OLFM3: variants seen among roughly 807,000 people sequenced by gnomAD.
OLFM3 encodes the protein noelin-3.
OLFM3 carries 20 observed loss-of-function variants against 48.6 expected under a neutral mutation model. The observed-to-expected ratio is 0.41, with a 90% CI of 0.29 to 0.60. The LOEUF is 0.60. Ranked by LOEUF, OLFM3 falls within the 20% of genes least tolerant of loss-of-function variation. The pLI, the probability that OLFM3 is intolerant of heterozygous loss-of-function variation, is 0.28. For synonymous variants in OLFM3, 222 were observed against 198.1 expected (o/e 1.12, Z -1.01); for missense variants, 437 against 544.3 (o/e 0.80, Z 1.96).
intron 1 of OLFM3, among the ~76,000 whole-genome samples, chr1:101,992,287 G>C (rs1661434110): frequency 6.6e-6 from 1 of 152,156 alleles, no homozygotes; most frequent in Admixed American, 6.5e-5. Context: ...CCATTTAACT[G>C]TTTCTAGTTG....
At chr1:101,915,710 A>G (rs1052534832) in intron 1 of OLFM3, among the ~76,000 whole-genome samples, 4 of 152,204 alleles carry the variant, frequency 2.6e-5, no homozygotes, top group Non-Finnish European at 5.9e-5. Flanking sequence ...GAAACCACAC[A>G]CAGCTGAGGA....
At chr1:101,824,197 G>A (rs1654737798) in intron 4 of OLFM3, among the ~76,000 whole-genome samples, 1 of 151,886 alleles carries the variant, frequency 6.6e-6, no homozygotes, top group African/African-American at 2.4e-5. Flanking sequence ...CTTTCTATGG[G>A]TATTGACTTG....
At chr1:101,810,842 A>AAT (rs1314795597) in intron 4 of OLFM3, among the ~76,000 whole-genome samples, 8 of 151,608 alleles carry the variant, frequency 5.3e-5, no homozygotes, top group South Asian at 2.1e-4. Flanking sequence ...TTTATCACTT[A>AAT]ATATATATAT....
chr1:101,826,840 T>G (rs1444655035), intron 3 of OLFM3, among the ~76,000 whole-genome samples: 1 of 152,228 alleles, frequency 6.6e-6, no homozygotes, highest in African/African-American at 2.4e-5. Flanking sequence ...TATCATTTTC[T>G]GCACATTATA....
At chr1:101,863,262 G>T (rs985429844) in intron 1 of OLFM3, among the ~76,000 whole-genome samples, 1 of 152,190 alleles carries the variant, frequency 6.6e-6, no homozygotes, top group Non-Finnish European at 1.5e-5. Context: ...GCATAAGCCA[G>T]TGTGCCTGGC....
intron 1 of OLFM3, among the ~76,000 whole-genome samples, chr1:101,849,121 A>G (rs1362709415): frequency 1.3e-5 from 2 of 152,248 alleles, no homozygotes; most frequent in Non-Finnish European, 1.5e-5. Flanking sequence ...ACAACATAGA[A>G]GCTAAACTGT....
In OLFM3 at chr1:101,833,623, T is replaced by A. The variant is rs570209439; in HGVS notation, c.217-2796A>T. Among the ~76,000 whole-genome samples the A allele has an allele frequency of 3.2e-3, 481 of 152,334 alleles. 6 individuals carry two copies. Among genetic ancestry groups the A allele is most frequent in the Non-Finnish European group, 4.5e-3 (305 of 68,016 alleles). ...TGTCGCCCTTCCTGGATAATTCTTT[T>A]GGAATTTTTATTTATTCTGGTTCTT... is the stretch of plus-strand genomic sequence containing the variant. On this transcript the variant is annotated intron_variant, in intron 2 of 5. Transcript: ENST00000370103.
At chr1:101,835,825 GA>G (rs879737621) in intron 2 of OLFM3, among the ~76,000 whole-genome samples, 5 of 152,096 alleles carry the variant, frequency 3.3e-5, no homozygotes, top group Admixed American at 3.3e-4. Flanking sequence ...ATAAGCACAT[GA>G]AAAAATCCTA....
At chr1:101,824,229 A>C (rs943171173) in intron 4 of OLFM3, among the ~76,000 whole-genome samples, 3 of 152,106 alleles carry the variant, frequency 2.0e-5, no homozygotes, top group African/African-American at 7.2e-5. Flanking sequence ...ATATCGCATC[A>C]TGTCAACAAC....
chr1:101,803,851 CT>C lies in OLFM3; in HGVS notation c.*386del, dbSNP rs1653615875. ...CTCCTAATTCCTACCAAAATATTTC[CT>C]GATATGGAGCAAAAGACAGTAAAAA... On this transcript the variant is annotated 3_prime_UTR_variant, in exon 6 of 6. Transcript: ENST00000370103. The C allele has an allele frequency of 6.5e-6, 1 of 153,936 alleles. No individual in the cohort carries two copies. Among genetic ancestry groups the C allele is most frequent in the Non-Finnish European group, 1.4e-5 (1 of 69,594 alleles). 9.5% of individuals were successfully genotyped at this position (153,936 alleles called of 1,614,324 possible).
intron 1 of OLFM3, among the ~76,000 whole-genome samples, chr1:101,963,075 A>G (rs1157899199): frequency 6.6e-6 from 1 of 152,104 alleles, no homozygotes; most frequent in Non-Finnish European, 1.5e-5. Context: ...TGCAGAATGG[A>G]GCTCCTTTCT....
chr1:101,804,461 T>C lies in OLFM3; in HGVS notation c.1154A>G (p.Tyr385Cys). Reference protein sequence around the residue: ...GESFMICGTLYVTNSHLTGAK... With the variant: ...GESFMICGTLCVTNSHLTGAK... ...TCCAGTTAAGTGGGAGTTGGTGACA[T>C]ACAGTGTCCCACAGATCATGAAAGA... The change falls in exon 6 of 6, where the codon TAT becomes TGT. Residue 385 changes from tyrosine to cysteine, a missense_variant. Physicochemically the swap from Tyr to Cys is radical, Grantham distance 194 (BLOSUM62 -2). Transcript: ENST00000370103. This position sits in a 1 kb window ranked among gnomAD's most constrained non-coding sequence, Gnocchi z 4.5. 2.5e-6 allele frequency: 4 copies of C among 1,612,614 alleles called. No individual in the cohort carries two copies. Among genetic ancestry groups the C allele is most frequent in the Non-Finnish European group, 3.4e-6 (4 of 1,179,072 alleles).
intron 1 of OLFM3, among the ~76,000 whole-genome samples, chr1:101,874,470 T>G (rs1389286820): frequency 6.7e-6 from 1 of 149,266 alleles, no homozygotes; most frequent in East Asian, 2.0e-4. Context: ...ATCTTTACAG[T>G]ATAATAAGAA....
intron 1 of OLFM3, among the ~76,000 whole-genome samples, chr1:101,942,210 T>A (rs1381934888): frequency 6.6e-6 from 1 of 152,178 alleles, no homozygotes; most frequent in Non-Finnish European, 1.5e-5. Context: ...GATATACACA[T>A]ATACAAAATT....
chr1:101,914,503 T>C (rs939736850), intron 1 of OLFM3, among the ~76,000 whole-genome samples: 2 of 152,220 alleles, frequency 1.3e-5, no homozygotes, highest in African/African-American at 4.8e-5. Context: ...TTAACCTGAC[T>C]TATTTCCCAC....
chr1:101,807,006 TA>T (rs967614352), intron 4 of OLFM3, among the ~76,000 whole-genome samples: 5 of 151,804 alleles, frequency 3.3e-5, no homozygotes, highest in African/African-American at 1.2e-4. Flanking sequence ...TGTGAGATTT[TA>T]AAAAAAGATT....
chr1:101,898,068 A>C (rs895172339), intron 1 of OLFM3, among the ~76,000 whole-genome samples: 6 of 152,146 alleles, frequency 3.9e-5, no homozygotes, highest in African/African-American at 1.4e-4. Context: ...GGATAAGAAA[A>C]ATTTTTAAAA....
intron 1 of OLFM3, among the ~76,000 whole-genome samples, chr1:101,941,344 G>A (rs185617510): frequency 2.6e-5 from 4 of 152,242 alleles, no homozygotes; most frequent in Admixed American, 2.6e-4. Context: ...CAGCAGGGAA[G>A]GGTAGAACAG....
chr1:101,839,776 T>C (rs917868174), intron 1 of OLFM3, among the ~76,000 whole-genome samples: 2 of 152,214 alleles, frequency 1.3e-5, no homozygotes, highest in Non-Finnish European at 2.9e-5. Context: ...TCATTTAGCA[T>C]TTCCCCTGAA....
Sources: allele counts gnomAD v4.1 joint callset (sites outside exome capture counted in the v4.1 genomes callset), GRCh38; gene constraint gnomAD v4.1.1; non-coding constraint Gnocchi (gnomAD v3.1); transcripts MANE v1.5; gene names NCBI Gene and HGNC (gene_info 2026-07-23, HGNC 2026-07-21).